The following PTPRT variants were observed in gnomAD, a reference collection of about 807,000 sequenced individuals.
The protein encoded by PTPRT is receptor-type tyrosine-protein phosphatase T.
Under a neutral mutation model 176.8 loss-of-function variants are expected in PTPRT, and 56 were observed. That is an observed-to-expected ratio of 0.32 (90% CI 0.26 to 0.40). The LOEUF is 0.40. Among genes scored for constraint, PTPRT ranks in the 10% least tolerant of loss-of-function variants. The pLI, the probability that PTPRT is intolerant of heterozygous loss-of-function variation, is 1.00. For synonymous variants in PTPRT, 783 were observed against 739.0 expected, an observed-to-expected ratio of 1.06 and a Z score of -0.96; for missense variants, 1,540 against 1,908.2, an observed-to-expected ratio of 0.81 and a Z score of 3.60.
At chr20:42,369,977 A>G (rs991194538) in intron 9 of PTPRT, among the ~76,000 whole-genome samples, 1 of 152,214 alleles carries the variant, frequency 6.6e-6, no homozygotes, top group Non-Finnish European at 1.5e-5. Context: ...GCAAAATGCC[A>G]AGAGATGCTG....
At chr20:42,742,681 G>A (rs1348872803) in intron 6 of PTPRT, among the ~76,000 whole-genome samples, 3 of 152,160 alleles carry the variant, frequency 2.0e-5, no homozygotes, top group Non-Finnish European at 4.4e-5. Context: ...AAAATAAATG[G>A]TACAGAGAAC....
intron 7 of PTPRT, among the ~76,000 whole-genome samples, chr20:42,668,608 T>C (rs2075357577): frequency 1.3e-5 from 2 of 151,954 alleles, no homozygotes; most frequent in Non-Finnish European, 2.9e-5. Flanking sequence ...GTAGACATCG[T>C]GCGACAGTGG....
chr20:42,285,723 A>G (rs1183811265), intron 12 of PTPRT, among the ~76,000 whole-genome samples: 1 of 151,776 alleles, frequency 6.6e-6, no homozygotes, highest in Admixed American at 6.6e-5. Flanking sequence ...GGGCATCCAA[A>G]TTGGAAAAAA....
At chr20:42,115,099 G>T in intron 22 of PTPRT, 100 bp downstream of exon 22, 1 of 837,802 alleles carries the variant, frequency 1.2e-6, no homozygotes, top group Non-Finnish European at 2.0e-6. Flanking sequence ...CAAGTATGGG[G>T]CTGGACGTAG....
At chr20:42,416,296 G>A (rs1334364018) in intron 9 of PTPRT, among the ~76,000 whole-genome samples, 1 of 152,096 alleles carries the variant, frequency 6.6e-6, no homozygotes, top group Non-Finnish European at 1.5e-5. Flanking sequence ...GAAAGGCATG[G>A]AACAAATTAT....
chr20:42,949,466 C>T (rs1245085960), intron 1 of PTPRT, among the ~76,000 whole-genome samples: 1 of 152,232 alleles, frequency 6.6e-6, no homozygotes, highest in Non-Finnish European at 1.5e-5. Flanking sequence ...AGCCCTGGTG[C>T]TAGTCATGTG....
intron 6 of PTPRT, among the ~76,000 whole-genome samples, chr20:42,718,770 G>C (rs191640531): frequency 6.6e-6 from 1 of 152,084 alleles, no homozygotes; most frequent in Non-Finnish European, 1.5e-5. Context: ...TCTGTATCTC[G>C]ATCAGGATGT....
chr20:42,200,297 G>A (rs1200282603), intron 15 of PTPRT, among the ~76,000 whole-genome samples: 1 of 152,212 alleles, frequency 6.6e-6, no homozygotes, highest in Non-Finnish European at 1.5e-5. Context: ...TCTGTATACT[G>A]TGGCAGATGA....
At chr20:42,490,641 A>G (rs988680295) in intron 7 of PTPRT, among the ~76,000 whole-genome samples, 6 of 152,084 alleles carry the variant, frequency 3.9e-5, no homozygotes, top group Admixed American at 3.9e-4. Flanking sequence ...TATCATCTAC[A>G]AACAATGAGT....
At chr20:42,227,408 G>T (rs2056038930) in intron 15 of PTPRT, among the ~76,000 whole-genome samples, 1 of 151,972 alleles carries the variant, frequency 6.6e-6, no homozygotes, top group African/African-American at 2.4e-5. Context: ...GGCTGTTAGT[G>T]TCACAAACAA....
In PTPRT at chr20:42,161,552, G is replaced by C. The variant is rs750714367; in HGVS notation, c.2492-10C>G. 9 of 1,593,846 alleles carry C rather than the reference G, an allele frequency of 5.6e-6. No individual in the cohort carries two copies. Among genetic ancestry groups the C allele is most frequent in the Non-Finnish European group, 7.7e-6 (9 of 1,170,440 alleles). On this transcript the variant is annotated splice_polypyrimidine_tract_variant and intron_variant, in intron 16 of 30. Coordinates refer to ENST00000373187, the MANE Select transcript of PTPRT (RefSeq NM_007050.6). ...CCGCGGCTGCCATCTGCTTCGAAAAGAAGGAGGCAGAACAGATCATCACCT... is the reference window on the plus strand; with the variant it reads ...CCGCGGCTGCCATCTGCTTCGAAAACAAGGAGGCAGAACAGATCATCACCT...
rs527239757 is a variant in PTPRT, at chr20:42,513,574, C to T, written c.1154-41012G>A. On this transcript the variant is annotated intron_variant, in intron 7 of 30. Coordinates refer to ENST00000373187, the MANE Select transcript of PTPRT (RefSeq NM_007050.6). ...TATTGGTTTCCTCTTTTACTTGAAA[C>T]TTGCATGAGATAATTTTTTGTTATT... Among the ~76,000 whole-genome samples, 195 of 152,132 alleles carry T rather than the reference C, an allele frequency of 1.3e-3. 2 individuals carry two copies. Among genetic ancestry groups the T allele is most frequent in the African/African-American group, 4.5e-3 (188 of 41,510 alleles).
At chr20:42,345,491 C>T (rs2058177021) in intron 11 of PTPRT, among the ~76,000 whole-genome samples, 2 of 147,746 alleles carry the variant, frequency 1.4e-5, no homozygotes, top group Admixed American at 1.4e-4. Flanking sequence ...TATAGATATA[C>T]ACATATATAT....
chr20:42,048,563 C>T, the PTPRT span, among the ~76,000 whole-genome samples: 1 of 152,128 alleles, frequency 6.6e-6, no homozygotes, highest in Non-Finnish European at 1.5e-5. Context: ...GGAGAGTCTG[C>T]ATGTAGGTGT....
chr20:42,302,687 C>T (rs1040251675), intron 12 of PTPRT, among the ~76,000 whole-genome samples: 8 of 152,132 alleles, frequency 5.3e-5, no homozygotes, highest in Admixed American at 5.2e-4. Flanking sequence ...GGAACTGTAA[C>T]TTATTTATCT....
intron 2 of PTPRT, among the ~76,000 whole-genome samples, chr20:42,823,910 T>TA (rs892003518): frequency 3.4e-5 from 5 of 148,696 alleles, no homozygotes; most frequent in East Asian, 2.0e-4. Context: ...CAGTACTGAT[T>TA]AAAAAAAAAA....
At chr20:42,184,520 T>TTCCTCTTCCTCTTCC (rs1990653281) in intron 16 of PTPRT, among the ~76,000 whole-genome samples, 1 of 89,942 alleles carries the variant, frequency 1.1e-5, no homozygotes, top group Non-Finnish European at 2.3e-5. Flanking sequence ...CTCCTCCTCC[T>TTCCTCTTCCTCTTCC]TCTTCTTCTT....
At chr20:43,014,865 G>A (rs1409381074) in intron 1 of PTPRT, among the ~76,000 whole-genome samples, 1 of 152,110 alleles carries the variant, frequency 6.6e-6, no homozygotes, top group Non-Finnish European at 1.5e-5. Flanking sequence ...TGTGAAAGTG[G>A]GGGCCTAGAT....
chr20:43,188,594 G>A (rs923662671), intron 1 of PTPRT, among the ~76,000 whole-genome samples: 18 of 152,168 alleles, frequency 1.2e-4, no homozygotes, highest in Admixed American at 6.5e-4. Flanking sequence ...CTGTTCCTGC[G>A]TCCCACGGGC....
Sources: gnomAD v4.1 joint callset for allele counts (sites outside exome capture counted in the v4.1 genomes callset) on GRCh38, gnomAD v4.1.1 for gene constraint, MANE v1.5 for transcripts, NCBI Gene and HGNC (gene_info 2026-07-23, HGNC 2026-07-21) for gene names.